Variants in PXDN observed in about 807,000 individuals in gnomAD.
PXDN encodes the protein peroxidasin homolog.
In PXDN, 77 loss-of-function variants were observed where a neutral mutation model predicts 140.3. The ratio of observed to expected loss-of-function variants is 0.55; its 90% CI spans 0.46 to 0.66. The LOEUF (loss-of-function observed/expected upper bound fraction) is 0.66. Ranked by LOEUF, PXDN falls within the 30% of genes least tolerant of loss-of-function variation. The pLI is 0.00. For missense variants in PXDN, 1,838 were observed against 2,039.5 expected (o/e 0.90, Z 1.90); for synonymous variants, 911 against 857.4 (o/e 1.06, Z -1.09).
intron 1 of PXDN, among the ~76,000 whole-genome samples, chr2:1,707,770 C>T (rs1375068600): frequency 1.3e-5 from 2 of 152,138 alleles, no homozygotes; most frequent in Non-Finnish European, 2.9e-5. Context: ...GGGATTCGTA[C>T]CAAGGTGCCG....
Position 1,654,494 on chromosome 2 carries a change from G to A in PXDN, c.1852C>T (p.Arg618Ter), listed in dbSNP as rs762639846. ...VLSVNVPDVS[R>*]NGDPFVATSI... ...GTAGCTACAAACGGATCTCCATTTC[G>A]ACTGACGTCAGGAACTAGGAAAATA... The change falls in exon 15 of 23, where the codon CGA (arginine) becomes TGA (stop). Residue 618 changes from arginine to a stop codon, truncating the protein, a stop_gained. Transcript: ENST00000252804. LOFTEE classifies it high-confidence loss of function. 5 of 1,612,588 alleles carry A rather than the reference G, an allele frequency of 3.1e-6. No individual in the cohort carries two copies. Among genetic ancestry groups the A allele is most frequent in the Non-Finnish European group, 4.2e-6 (5 of 1,178,780 alleles).
chr2:1,667,552 T>C (rs112371316), intron 9 of PXDN, among the ~76,000 whole-genome samples: 2,432 of 152,182 alleles, frequency 0.016, 80 homozygotes, highest in African/African-American at 0.055. Context: ...TTTAGAAAAC[T>C]CCAACATCTC....
chr2:1,689,882 A>AGAAATAAT (rs1684148274), intron 3 of PXDN, among the ~76,000 whole-genome samples: 2 of 152,220 alleles, frequency 1.3e-5, no homozygotes, highest in South Asian at 4.1e-4. Context: ...AACTGTCTCA[A>AGAAATAAT]GAAATAATTT....
rs1247822533 is a variant in PXDN at position 1,649,285 on chromosome 2, G to A, written c.2495C>T (p.Thr832Met). 4 of 1,613,334 alleles carry A rather than the reference G, an allele frequency of 2.5e-6. No individual in the cohort carries two copies. The highest frequency in any genetic ancestry group is 2.5e-6 in the Non-Finnish European group (3 of 1,179,796). Reference sequence around the variant, plus strand: ...GCGTGCCTGGCTCAGGGCCACCACCGTGGAGTCGAGGTCGTGGTCCAGGAA... The same window carrying A: ...GCGTGCCTGGCTCAGGGCCACCACCATGGAGTCGAGGTCGTGGTCCAGGAA... Reference protein sequence around the residue: ...GQFLDHDLDSTVVALSQARFS... With the variant: ...GQFLDHDLDSMVVALSQARFS... Residue 832 changes from threonine to methionine, a missense_variant, in exon 17 of 23, where the codon ACG becomes ATG. By Grantham distance (81) the Thr-to-Met change is moderately conservative. Coordinates refer to ENST00000252804, the MANE Select transcript of PXDN (RefSeq NM_012293.3). This position sits in a 1 kb window ranked among gnomAD's most constrained non-coding sequence, Gnocchi z 7.1.
chr2:1,676,632 A>G (rs1683723235), intron 8 of PXDN: 1 of 458,642 alleles, frequency 2.2e-6, no homozygotes, highest in Admixed American at 3.5e-5. Context: ...GAGAACAACC[A>G]GCATGCTCTC....
At chr2:1,666,174 G>A (rs1434627165) in intron 10 of PXDN, 40 bp downstream of exon 10, 25 of 1,606,124 alleles carry the variant, frequency 1.6e-5, no homozygotes, top group Non-Finnish European at 2.1e-5. Flanking sequence ...GGTGAGGATG[G>A]GGCTGAGCCC....
chr2:1,662,876 C>T (rs947469023), intron 12 of PXDN, among the ~76,000 whole-genome samples: 15 of 152,322 alleles, frequency 9.8e-5, no homozygotes, highest in Middle Eastern at 3.4e-3. Context: ...CTATCCTCCC[C>T]GCACGACATC....
chr2:1,710,773 C>T (rs1208032090), intron 1 of PXDN, among the ~76,000 whole-genome samples: 1 of 78,844 alleles, frequency 1.3e-5, no homozygotes, highest in Non-Finnish European at 2.6e-5. Flanking sequence ...TCCACCAGCA[C>T]CCACTCTCCA....
rs1217013993 is a variant in PXDN, at chr2:1,660,384, C to T, written c.1837+497G>A. Among the ~76,000 whole-genome samples the T allele has an allele frequency of 6.6e-6, 1 of 152,154 alleles. No individual in the cohort carries two copies. Among genetic ancestry groups the T allele is most frequent in the African/African-American group, 2.4e-5 (1 of 41,436 alleles). ...CATGGAGTCAGGACGGCTCTAGGAC[C>T]ACCGACTGGATCTATGTAAGGCTGC... is the stretch of plus-strand genomic sequence containing the variant. On this transcript the variant is annotated intron_variant, in intron 14 of 22. Coordinates refer to ENST00000252804, the MANE Select transcript of PXDN (RefSeq NM_012293.3). The surrounding 1 kb of genome is among the most constrained non-coding windows in gnomAD (Gnocchi z 4.6).
At chr2:1,691,254 C>T (rs1684177254) in intron 3 of PXDN, among the ~76,000 whole-genome samples, 1 of 152,208 alleles carries the variant, frequency 6.6e-6, no homozygotes, top group African/African-American at 2.4e-5. Flanking sequence ...GCACACGACA[C>T]ACACTTCGTC....
intron 1 of PXDN, among the ~76,000 whole-genome samples, chr2:1,715,215 C>T (rs1684867307): frequency 6.6e-6 from 1 of 152,168 alleles, no homozygotes; most frequent in South Asian, 2.1e-4. Flanking sequence ...GACCCTGCTC[C>T]GGGGTTAAGG....
intron 1 of PXDN, among the ~76,000 whole-genome samples, chr2:1,725,820 T>G (rs1456684652): frequency 6.6e-6 from 1 of 152,114 alleles, no homozygotes; most frequent in Non-Finnish European, 1.5e-5. Context: ...AAAAAACACA[T>G]GAAAAAATGT....
At position 1,675,107 on chromosome 2, in the gene PXDN, G is replaced by A. The variant is rs1237461907; in HGVS notation, c.849-1295C>T. 2.0e-5 allele frequency among the ~76,000 whole-genome samples: 3 copies of A among 152,168 alleles called. No individual in the cohort carries two copies. The East Asian group carries it at 5.8e-4, about 29-fold the overall frequency. On this transcript the variant is annotated intron_variant, in intron 8 of 22. Transcript: ENST00000252804. ...TCTGTCCTTACCCACAGGGATTGCT[G>A]GATGGAAGCAATGTCAGCTTAGGCC... is the stretch of plus-strand genomic sequence containing the variant.
chr2:1,697,857 C>T (rs753301381), intron 1 of PXDN, among the ~76,000 whole-genome samples: 10 of 152,222 alleles, frequency 6.6e-5, no homozygotes, highest in Non-Finnish European at 1.3e-4. Flanking sequence ...CTTCTCCCAA[C>T]AAGCAAGGGG....
At chr2:1,683,810 A>G (rs1022468187) in intron 5 of PXDN, 83 bp from the exon 6 acceptor site, 20 of 1,095,712 alleles carry the variant, frequency 1.8e-5, no homozygotes, top group African/African-American at 9.6e-5. Context: ...AGTCAAATAT[A>G]TATCAGCTTT....
rs1572141701 is a variant in PXDN, at chr2:1,666,202, A to G, written c.1291+12T>C. 1.2e-6 allele frequency: 2 copies of G among 1,612,568 alleles called. No homozygotes were observed. Among genetic ancestry groups the G allele is most frequent in the Non-Finnish European group, 8.5e-7 (1 of 1,178,658 alleles). ...CTGAGCCCTGGCTCTGGCACAGAGG[A>G]TGGATACCCACCCTGGACGATGATG... On this transcript the variant is annotated intron_variant, in intron 10 of 22. Coordinates refer to ENST00000252804, the MANE Select transcript of PXDN (RefSeq NM_012293.3).
At chr2:1,742,303 G>C (rs1339818029) in intron 1 of PXDN, among the ~76,000 whole-genome samples, 1 of 152,220 alleles carries the variant, frequency 6.6e-6, no homozygotes, top group Non-Finnish European at 1.5e-5. Flanking sequence ...CTGCCTCACA[G>C]AATCAACGTG....
In PXDN at chr2:1,643,479, T is replaced by C. The variant is rs188971798; in HGVS notation, c.3841A>G (p.Ile1281Val). ...AACACGTCGCTCTGCACCCGGGTGA[T>C]GTTGTCCGCGTTGTCGCATAGGATC... Reference protein sequence around the residue: ...ARILCDNADNITRVQSDVFRV... With the variant: ...ARILCDNADNVTRVQSDVFRV... Residue 1281 changes from isoleucine to valine, a missense_variant, in exon 19 of 23, where the codon ATC (isoleucine) becomes GTC (valine). Physicochemically the swap from Ile to Val is conservative, Grantham distance 29. This residue lies in a region of PXDN where 850 missense variants were observed against 894.1 expected (regional missense o/e 0.95). Coordinates refer to ENST00000252804, the MANE Select transcript of PXDN (RefSeq NM_012293.3). The C allele has an allele frequency of 1.9e-6, 3 of 1,613,958 alleles. No homozygotes were observed. The highest frequency in any genetic ancestry group is 2.5e-6 in the Non-Finnish European group (3 of 1,179,886).
chr2:1,676,262 C>T (rs1258874673), intron 8 of PXDN: 1 of 152,574 alleles, frequency 6.6e-6, no homozygotes, highest in Admixed American at 6.5e-5. Context: ...CAGGGGTGCT[C>T]CCCACACCTG....
Sources: gnomAD v4.1 joint callset for allele counts (sites outside exome capture counted in the v4.1 genomes callset) on GRCh38, gnomAD v4.1.1 for gene constraint, gnomAD v4.1.1 regional missense constraint, Gnocchi (gnomAD v3.1) non-coding constraint, MANE v1.5 for transcripts, NCBI Gene and HGNC (gene_info 2026-07-23, HGNC 2026-07-21) for gene names.